The following ZC3H18 variants were observed in gnomAD, a reference collection of about 807,000 sequenced individuals.
The protein encoded by ZC3H18 is zinc finger CCCH-type containing 18, also known as zinc finger CCCH domain-containing protein 18.
A neutral mutation model predicts 106.1 loss-of-function variants in ZC3H18; 8 were observed. That is an observed-to-expected ratio of 0.08 (90% CI 0.04 to 0.14). The LOEUF is 0.14. ZC3H18 is among the 10% of genes least tolerant of loss of function. The pLI is 1.00. For synonymous variants in ZC3H18, 635 were observed against 522.1 expected (o/e 1.22, Z -2.95); for missense variants, 1,318 against 1,278.4 (o/e 1.03, Z -0.47).
At chr16:88,598,506 G>GGA (rs1904572747) in intron 4 of ZC3H18, 114 bp from the exon 5 acceptor site, 2 of 1,439,436 alleles carry the variant, frequency 1.4e-6, no homozygotes, top group Non-Finnish European at 1.9e-6. Flanking sequence ...CTTGGTGGAA[G>GGA]GAGAGCGGCC....
chr16:88,629,369 G>C (rs1906520092), intron 16 of ZC3H18, among the ~76,000 whole-genome samples: 1 of 152,204 alleles, frequency 6.6e-6, no homozygotes, highest in African/African-American at 2.4e-5. Flanking sequence ...CCAGCTACTT[G>C]GGAGGCTGAG....
intron 3 of ZC3H18, among the ~76,000 whole-genome samples, chr16:88,587,919 C>T (rs1915531672): frequency 6.6e-6 from 1 of 152,164 alleles, no homozygotes; most frequent in Admixed American, 6.5e-5. Context: ...TCATGGGAAC[C>T]CCGGGTTAGG....
chr16:88,622,476 A>T (rs1597357321), intron 9 of ZC3H18, 88 bp downstream of exon 9: 1 of 1,398,118 alleles, frequency 7.2e-7, no homozygotes, highest in East Asian at 2.5e-5. Context: ...GGTGGGGAAC[A>T]CCCCAGCCCC....
At chr16:88,621,416 G>T (rs1253934134) in intron 8 of ZC3H18, among the ~76,000 whole-genome samples, 1 of 152,050 alleles carries the variant, frequency 6.6e-6, no homozygotes, top group African/African-American at 2.4e-5. Flanking sequence ...AGTAGAGATG[G>T]GGTTTCACCA....
At chr16:88,613,386 T>C (rs1325271813) in intron 8 of ZC3H18, among the ~76,000 whole-genome samples, 1 of 152,226 alleles carries the variant, frequency 6.6e-6, no homozygotes, top group East Asian at 1.9e-4. Context: ...CTAGATCACA[T>C]GGTCACTCTA....
At chr16:88,628,157 C>T in intron 15 of ZC3H18, 38 bp downstream of exon 15, 1 of 1,604,288 alleles carries the variant, frequency 6.2e-7, no homozygotes, top group Non-Finnish European at 8.5e-7. Context: ...GCCCCAGCGT[C>T]TAGGCCTGGG....
chr16:88,618,657 G>A (rs1905770930), intron 8 of ZC3H18, among the ~76,000 whole-genome samples: 1 of 152,204 alleles, frequency 6.6e-6, no homozygotes, highest in Non-Finnish European at 1.5e-5. Context: ...GTTTGCATTG[G>A]TGGTGGAGCT....
At chr16:88,586,489 C>T (rs967171269) in intron 2 of ZC3H18, 111 bp from the exon 3 acceptor site, 17 of 872,480 alleles carry the variant, frequency 1.9e-5, no homozygotes, top group African/African-American at 1.8e-4. Flanking sequence ...AATTCAATTC[C>T]TGTGACAATA....
chr16:88,609,902 G>A (rs147271265), intron 7 of ZC3H18, among the ~76,000 whole-genome samples: 32 of 152,208 alleles, frequency 2.1e-4, no homozygotes, highest in African/African-American at 5.8e-4. Context: ...TGCCCAGCTC[G>A]GCCTGGTTTT....
At chr16:88,616,089 GGCCACCA>G (rs1280795236) in intron 8 of ZC3H18, among the ~76,000 whole-genome samples, 1 of 152,202 alleles carries the variant, frequency 6.6e-6, no homozygotes. Context: ...CTGCCAGCAT[GGCCACCA>G]GGCAGCAGGT....
rs1394601712 is a variant in ZC3H18 at position 88,628,910 on chromosome 16, G to A, written c.2566+56G>A. On this transcript the variant is annotated intron_variant, in intron 16 of 17. Coordinates refer to ENST00000301011, the MANE Select transcript of ZC3H18 (RefSeq NM_144604.4). ...AGAGGGACGGGAGCCTGGGGATGCG[G>A]AGCAGCTGGGTCTGAGACCCCATTG... The A allele has an allele frequency of 3.1e-6, 5 of 1,594,826 alleles. No individual in the cohort carries two copies. In the African/African-American group the frequency reaches 6.7e-5, roughly 21 times the overall value.
intron 2 of ZC3H18, among the ~76,000 whole-genome samples, chr16:88,581,697 G>T (rs888152592): frequency 6.6e-5 from 10 of 152,162 alleles, no homozygotes; most frequent in Non-Finnish European, 1.2e-4. Flanking sequence ...GGTGCAGCAG[G>T]CCTTGTTTTT....
chr16:88,600,136 G>A (rs118099805), intron 6 of ZC3H18, among the ~76,000 whole-genome samples, 188 bp downstream of exon 6: 1 of 152,180 alleles, frequency 6.6e-6, no homozygotes, highest in Non-Finnish European at 1.5e-5. Context: ...TTTGCTTCTA[G>A]GAAGGAAGCG....
intron 3 of ZC3H18, among the ~76,000 whole-genome samples, chr16:88,592,420 C>T (rs2142629951): frequency 6.6e-6 from 1 of 152,198 alleles, no homozygotes; most frequent in East Asian, 1.9e-4. Flanking sequence ...CCTTGAGACC[C>T]TTTCAGGGGA....
rs1485997159 is a variant in ZC3H18, at chr16:88,627,614, G to A, written c.2109-8G>A. 3 of 1,594,346 alleles carry A rather than the reference G, an allele frequency of 1.9e-6. No individual in the cohort carries two copies. The highest frequency in any genetic ancestry group is 2.6e-6 in the Non-Finnish European group (3 of 1,165,290). ...CTGGGGTGTGGTGAGATGTGCTTGTGTGTCCAGGTCCCTGAGCGTGAGCAG... is the reference window on the plus strand; with the variant it reads ...CTGGGGTGTGGTGAGATGTGCTTGTATGTCCAGGTCCCTGAGCGTGAGCAG... On this transcript the variant is annotated splice_region_variant and splice_polypyrimidine_tract_variant and intron_variant, in intron 13 of 17. Transcript: ENST00000301011. The surrounding 1 kb of genome is among the most constrained non-coding windows in gnomAD (Gnocchi z 4.5).
In ZC3H18 at chr16:88,575,275, T is replaced by C. The variant is rs572773321; in HGVS notation, c.-14-1835T>C. Reference sequence around the variant, plus strand: ...TTTAAAAGATGAATATTTTTATCTTTAGTGTGTATGGTTATTTGAGATACA... The same window carrying C: ...TTTAAAAGATGAATATTTTTATCTTCAGTGTGTATGGTTATTTGAGATACA... On this transcript the variant is annotated intron_variant, in intron 1 of 17. Transcript: ENST00000301011. Among the ~76,000 whole-genome samples the C allele has an allele frequency of 7.7e-4, 117 of 152,198 alleles. 2 individuals carry two copies. The highest frequency in any genetic ancestry group is 2.6e-3 in the African/African-American group (108 of 41,546).
chr16:88,585,543 G>T (rs1234678862), intron 2 of ZC3H18, among the ~76,000 whole-genome samples: 1 of 152,214 alleles, frequency 6.6e-6, no homozygotes, highest in Non-Finnish European at 1.5e-5. Context: ...GGGGCTGCAA[G>T]GACCTGTCGT....
At chr16:88,582,032 T>G (rs1915162996) in intron 2 of ZC3H18, among the ~76,000 whole-genome samples, 1 of 152,100 alleles carries the variant, frequency 6.6e-6, no homozygotes, top group African/African-American at 2.4e-5. Flanking sequence ...CTCCTCTTAT[T>G]GAGGACCTCC....
At chr16:88,584,406 A>T (rs1915316885) in intron 2 of ZC3H18, among the ~76,000 whole-genome samples, 1 of 151,468 alleles carries the variant, frequency 6.6e-6, no homozygotes, top group Admixed American at 6.6e-5. Context: ...TGGGCGACAG[A>T]GCAGGACTCT....
Sources: gnomAD v4.1 joint callset for allele counts (sites outside exome capture counted in the v4.1 genomes callset) on GRCh38, gnomAD v4.1.1 for gene constraint, Gnocchi (gnomAD v3.1) non-coding constraint, MANE v1.5 for transcripts, NCBI Gene and HGNC (gene_info 2026-07-23, HGNC 2026-07-21) for gene names.